SLC2A9: variants seen among roughly 807,000 people sequenced by gnomAD.
SLC2A9 encodes solute carrier family 2, facilitated glucose transporter member 9.
SLC2A9 carries 39 observed loss-of-function variants against 50.6 expected under a neutral mutation model. That is an observed-to-expected ratio of 0.77 (90% CI 0.60 to 1.01). The LOEUF (loss-of-function observed/expected upper bound fraction) is 1.01. Among genes scored for constraint, SLC2A9 ranks in the 50% least tolerant of loss-of-function variants. The pLI is 0.00. For synonymous variants in SLC2A9, 324 were observed against 276.9 expected (o/e 1.17, Z -1.69); for missense variants, 686 against 677.6 (o/e 1.01, Z -0.14).
chr4:9,836,088 CAAAA>C lies in SLC2A9; in HGVS notation c.1292-1084_1292-1081del, dbSNP rs35303241. Among the ~76,000 whole-genome samples the C allele has an allele frequency of 2.7e-4, 13 of 48,224 alleles. No homozygotes were observed. The South Asian group carries it at 5.4e-3, about 20-fold the overall frequency. The allele number at this position is 48,224 out of a possible 152,430, so 31.6% of individuals were successfully genotyped here. A position where few individuals can be genotyped will look rare whatever the true frequency, so the allele number is the denominator to read the frequency against. ...GGGCAACAAGAGTGAAACTCCCTCT[CAAAA>C]AAAAAAAAAAAAAAAAAAAGATAAA... On this transcript the variant is annotated intron_variant, in intron 10 of 11. Transcript: ENST00000264784.
At chr4:10,008,149 T>C (rs934141112) in intron 2 of SLC2A9, among the ~76,000 whole-genome samples, 1 of 152,230 alleles carries the variant, frequency 6.6e-6, no homozygotes, top group African/African-American at 2.4e-5. Context: ...CTGAGCTTCC[T>C]GGAGATTTGA....
In SLC2A9 at chr4:10,021,483, G is replaced by A; in HGVS notation, c.-54C>T. 1.2e-6 allele frequency: 2 copies of A among 1,612,058 alleles called. No individual in the cohort carries two copies. The highest frequency in any genetic ancestry group is 2.2e-5 in the East Asian group (1 of 44,850). On this transcript the variant is annotated 5_prime_UTR_variant, in exon 1 of 12. Coordinates refer to ENST00000264784, the MANE Select transcript of SLC2A9 (RefSeq NM_020041.3). ...GTCCAGGGACCCCAGACTCTGCCAA[G>A]GCATTTCCGTGAGTGAGGAGGCAGA...
At chr4:9,795,522 C>T (rs1182752183), downstream of SLC2A9, among the ~76,000 whole-genome samples, 2 of 152,212 alleles carry the variant, frequency 1.3e-5, no homozygotes, top group African/African-American at 4.8e-5. Flanking sequence ...CACTCAGTCT[C>T]ATAAGAGCCC....
chr4:9,859,553 A>C lies in SLC2A9; in HGVS notation c.1292-24545T>G, dbSNP rs557004972. Reference sequence around the variant, plus strand: ...CAGCCATGAGGCCAAGTGAGGGAGCATAGAGACTGAAGCCCTTGTTCAGAT... The same window carrying C: ...CAGCCATGAGGCCAAGTGAGGGAGCCTAGAGACTGAAGCCCTTGTTCAGAT... On this transcript the variant is annotated intron_variant, in intron 10 of 11. Coordinates refer to ENST00000264784, the MANE Select transcript of SLC2A9 (RefSeq NM_020041.3). Among the ~76,000 whole-genome samples, 27 of 152,390 alleles carry C rather than the reference A, an allele frequency of 1.8e-4. No individual in the cohort carries two copies. In the South Asian group the frequency reaches 5.2e-3, roughly 29 times the overall value.
rs115062418 is a variant in SLC2A9 at position 9,997,921 on chromosome 4, G to A, written c.250-980C>T. On this transcript the variant is annotated intron_variant, in intron 2 of 11. Coordinates refer to ENST00000264784, the MANE Select transcript of SLC2A9 (RefSeq NM_020041.3). ...AGAACTACAAATAAATCCTATCTACGATATACAAAGAACTCTAACATGTCA... is the reference window on the plus strand; with the variant it reads ...AGAACTACAAATAAATCCTATCTACAATATACAAAGAACTCTAACATGTCA... Among the ~76,000 whole-genome samples, 314 of 152,172 alleles carry A rather than the reference G, an allele frequency of 2.1e-3. 2 individuals are homozygous for A. The highest frequency in any genetic ancestry group is 7.0e-3 in the African/African-American group (291 of 41,514).
At chr4:9,983,678 C>A (rs1220362544) in intron 4 of SLC2A9, among the ~76,000 whole-genome samples, 1 of 152,118 alleles carries the variant, frequency 6.6e-6, no homozygotes, top group Non-Finnish European at 1.5e-5. Flanking sequence ...CCCAGCCGAC[C>A]CACAGAAGTG....
chr4:10,030,012 AATGAT>A (rs772365196), intron 1 of SLC2A9, among the ~76,000 whole-genome samples: 2 of 152,188 alleles, frequency 1.3e-5, no homozygotes, highest in Non-Finnish European at 2.9e-5. Context: ...TATCTTAAGT[AATGAT>A]ATGCATGAAA....
intron 5 of SLC2A9, among the ~76,000 whole-genome samples, chr4:9,979,564 T>A (rs1755360103): frequency 6.6e-6 from 1 of 152,098 alleles, no homozygotes; most frequent in Non-Finnish European, 1.5e-5. Context: ...TATCCCCATG[T>A]CTACCACCTC....
At chr4:10,028,432 T>C (rs1344148343) in intron 1 of SLC2A9, among the ~76,000 whole-genome samples, 2 of 152,340 alleles carry the variant, frequency 1.3e-5, no homozygotes, top group East Asian at 3.9e-4. Flanking sequence ...ACATCCACAC[T>C]GGCTGAGGTT....
chr4:9,807,348 T>A (rs1371233837), intron 3 of SLC2A9, among the ~76,000 whole-genome samples: 1 of 152,218 alleles, frequency 6.6e-6, no homozygotes, highest in East Asian at 1.9e-4. Flanking sequence ...TAGATCCCTA[T>A]GCTTCTTCAA....
chr4:9,874,796 G>A lies in SLC2A9; in HGVS notation c.1291+12771C>T, dbSNP rs571293217. 2.6e-4 allele frequency among the ~76,000 whole-genome samples: 39 copies of A among 152,090 alleles called. No homozygotes were observed. In the South Asian group the frequency reaches 8.1e-3, roughly 32 times the overall value. ...TGTCTTTAGAAATGGCCATAAGTTAGTGTCTGTCTAATGTGGGACGCTGTG... is the reference window on the plus strand; with the variant it reads ...TGTCTTTAGAAATGGCCATAAGTTAATGTCTGTCTAATGTGGGACGCTGTG... On this transcript the variant is annotated intron_variant, in intron 10 of 11. Coordinates refer to ENST00000264784, the MANE Select transcript of SLC2A9 (RefSeq NM_020041.3).
At chr4:9,991,841 C>T (rs1487095456) in intron 3 of SLC2A9, among the ~76,000 whole-genome samples, 6 of 152,192 alleles carry the variant, frequency 3.9e-5, no homozygotes, top group Non-Finnish European at 7.3e-5. Flanking sequence ...CTTGGCCTTC[C>T]AGCCTCCAGA....
intron 2 of SLC2A9, among the ~76,000 whole-genome samples, chr4:10,005,486 G>A (rs917318557): frequency 6.6e-6 from 1 of 152,254 alleles, no homozygotes; most frequent in Non-Finnish European, 1.5e-5. Context: ...CTAATTTGTG[G>A]TTAAGAATGT....
Position 10,021,381 on chromosome 4 carries a change from G to A in SLC2A9, c.49C>T (p.Leu17Phe). Residue 17 changes from leucine to phenylalanine, a missense_variant, in exon 1 of 12, where the codon CTC (leucine) becomes TTC (phenylalanine). Transcript: ENST00000264784. ...RNSKELGLVP[L>F]TDDTSHAGPP... ...CCGGCGTGGCTGGTGTCATCTGTGA[G>A]GGGAACTAGGCCCAGTTCCTTGGAA... 2 of 1,614,246 alleles carry A rather than the reference G, an allele frequency of 1.2e-6. No homozygotes were observed. Among genetic ancestry groups the A allele is most frequent in the Non-Finnish European group, 1.7e-6 (2 of 1,180,040 alleles).
At chr4:9,856,652 C>T (rs1242510518) in intron 10 of SLC2A9, among the ~76,000 whole-genome samples, 2 of 152,144 alleles carry the variant, frequency 1.3e-5, no homozygotes, top group African/African-American at 4.8e-5. Flanking sequence ...ACCATAAAGA[C>T]AGATGCATGT....
chr4:9,977,665 C>T (rs1378306205), intron 5 of SLC2A9, among the ~76,000 whole-genome samples: 1 of 151,898 alleles, frequency 6.6e-6, no homozygotes, highest in Non-Finnish European at 1.5e-5. Context: ...TTGCCTCTCT[C>T]TTCCTACAGA....
At chr4:9,970,680 TA>T (rs57630133) in intron 5 of SLC2A9, among the ~76,000 whole-genome samples, 19,954 of 147,890 alleles carry the variant, frequency 0.13, 1,744 homozygotes, top group Non-Finnish European at 0.2. Context: ...GACACAAAAT[TA>T]AAAAAAAAAA....
At chr4:9,906,652 C>T (rs573501212) in intron 8 of SLC2A9, among the ~76,000 whole-genome samples, 4 of 152,224 alleles carry the variant, frequency 2.6e-5, no homozygotes, top group African/African-American at 7.2e-5. Context: ...TCTATTTTTC[C>T]GAATTTTACA....
At chr4:9,951,272 T>C (rs1015723378) in intron 5 of SLC2A9, among the ~76,000 whole-genome samples, 22 of 152,084 alleles carry the variant, frequency 1.4e-4, no homozygotes, top group African/African-American at 3.6e-4. Flanking sequence ...CTCTCACTTA[T>C]ATGTGGAAGC....
Sources: allele counts gnomAD v4.1 joint callset (sites outside exome capture counted in the v4.1 genomes callset), GRCh38; gene constraint gnomAD v4.1.1; transcripts MANE v1.5; gene names NCBI Gene and HGNC (gene_info 2026-07-23, HGNC 2026-07-21).